MCHR2: variants seen among roughly 807,000 people sequenced by gnomAD.
MCHR2 encodes the protein melanin-concentrating hormone receptor 2.
MCHR2 carries 15 observed loss-of-function variants against 24.8 expected under a neutral mutation model. The ratio of observed to expected loss-of-function variants is 0.60; its 90% CI spans 0.40 to 0.93. The LOEUF (loss-of-function observed/expected upper bound fraction) is 0.93, where lower values mean the gene tolerates loss of function less well. MCHR2 is among the 40% of genes least tolerant of loss of function. The pLI, the probability that MCHR2 is intolerant of heterozygous loss-of-function variation, is 0.00. For missense variants in MCHR2, 386 were observed against 408.7 expected, an observed-to-expected ratio of 0.94 and a Z score of 0.48; for synonymous variants, 151 against 147.6, an observed-to-expected ratio of 1.02 and a Z score of -0.17.
At position 99,934,241 on chromosome 6, in the gene MCHR2, ATG is replaced by A. The variant is rs1184635824; in HGVS notation, c.707+155_707+156del. 2.0e-5 allele frequency among the ~76,000 whole-genome samples: 3 copies of A among 152,174 alleles called. No individual in the cohort carries two copies. The East Asian group carries it at 5.8e-4, about 29-fold the overall frequency. ...GATTCTTAAGCAGTTTATTTAGCAC[ATG>A]TCTTATTTTCCAAAAATTTTTTCTA... On this transcript the variant is annotated intron_variant, in intron 5 of 5. Transcript: ENST00000281806.
chr6:99,922,439 G>A (rs564768974), intron 5 of MCHR2, among the ~76,000 whole-genome samples: 5 of 152,134 alleles, frequency 3.3e-5, no homozygotes, highest in Non-Finnish European at 7.4e-5. Context: ...GGTTGCCCGT[G>A]CCTGTGGAGT....
chr6:99,973,028 A>T (rs140244982), intron 1 of MCHR2, among the ~76,000 whole-genome samples: 1 of 152,062 alleles, frequency 6.6e-6, no homozygotes, highest in Admixed American at 6.6e-5. Flanking sequence ...CTGAAAAAAA[A>T]TGTATATTCT....
At chr6:99,924,813 C>T (rs1006414434) in intron 5 of MCHR2, among the ~76,000 whole-genome samples, 1 of 151,982 alleles carries the variant, frequency 6.6e-6, no homozygotes, top group Non-Finnish European at 1.5e-5. Flanking sequence ...TGTTTTGTGA[C>T]CTAACATATG....
chr6:99,960,439 T>C lies in MCHR2; in HGVS notation c.-27-4265A>G, dbSNP rs1209092001. On this transcript the variant is annotated intron_variant, in intron 1 of 5. Coordinates refer to ENST00000281806, the MANE Select transcript of MCHR2 (RefSeq NM_001040179.2). ...ATTTATAGATTCAATGCCATCCCCA[T>C]CAAGCTACCAATGACTTTCTTCACA... 2.0e-5 allele frequency among the ~76,000 whole-genome samples: 3 copies of C among 152,094 alleles called. No individual in the cohort carries two copies. In the East Asian group the frequency reaches 5.8e-4, roughly 29 times the overall value.
At chr6:99,922,325 T>A (rs1774255636) in intron 5 of MCHR2, among the ~76,000 whole-genome samples, 1 of 152,144 alleles carries the variant, frequency 6.6e-6, no homozygotes, top group South Asian at 2.1e-4. Context: ...GCCAGGATGG[T>A]CTTGATCTCC....
At position 99,942,099 on chromosome 6, in the gene MCHR2, T is replaced by G. The variant is rs185852126; in HGVS notation, c.587+850A>C. ...TTTCAAATTGAAGACTTTTAATTTC[T>G]TTTTAAATTAAAATGTATAAAACGG... On this transcript the variant is annotated intron_variant, in intron 4 of 5. Transcript: ENST00000281806. Among the ~76,000 whole-genome samples, 13 of 152,340 alleles carry G rather than the reference T, an allele frequency of 8.5e-5. 1 individual carries two copies. Among genetic ancestry groups the G allele is most frequent in the African/African-American group, 2.6e-4 (11 of 41,580 alleles).
At chr6:99,965,002 A>G (rs1417591397) in intron 1 of MCHR2, among the ~76,000 whole-genome samples, 3 of 152,180 alleles carry the variant, frequency 2.0e-5, no homozygotes, top group East Asian at 3.8e-4. Flanking sequence ...CAAAGAAGTG[A>G]TAACTGCAAA....
chr6:99,930,599 C>A (rs560488261), intron 5 of MCHR2, among the ~76,000 whole-genome samples: 1 of 152,276 alleles, frequency 6.6e-6, no homozygotes, highest in East Asian at 1.9e-4. Flanking sequence ...CATCTTCTGT[C>A]ACTGATACCC....
At chr6:99,978,837 G>A (rs932472731) in intron 1 of MCHR2, among the ~76,000 whole-genome samples, 2 of 152,198 alleles carry the variant, frequency 1.3e-5, no homozygotes, top group African/African-American at 4.8e-5. Context: ...CACAGTTTGT[G>A]CTGCAGTCAG....
intron 1 of MCHR2, among the ~76,000 whole-genome samples, chr6:99,974,151 G>A (rs1036562019): frequency 3.3e-5 from 5 of 152,236 alleles, no homozygotes; most frequent in African/African-American, 1.2e-4. Context: ...ATCCTGCAGA[G>A]TGTTTTCCAG....
intron 1 of MCHR2, among the ~76,000 whole-genome samples, chr6:99,963,764 C>A (rs1464240319): frequency 1.3e-5 from 2 of 151,896 alleles, no homozygotes; most frequent in Non-Finnish European, 2.9e-5. Context: ...ATATTCCATT[C>A]AATGTCCTAT....
intron 1 of MCHR2, among the ~76,000 whole-genome samples, chr6:99,982,054 T>C (rs1027598742): frequency 6.6e-6 from 1 of 152,144 alleles, no homozygotes; most frequent in Non-Finnish European, 1.5e-5. Context: ...CTCTAGATAC[T>C]GATTTCACAT....
intron 1 of MCHR2, among the ~76,000 whole-genome samples, chr6:99,965,959 G>C (rs556763154): frequency 6.6e-6 from 1 of 152,130 alleles, no homozygotes; most frequent in South Asian, 2.1e-4. Flanking sequence ...ATTTGGCTAC[G>C]TATTAATTTC....
At position 99,932,353 on chromosome 6, in the gene MCHR2, A is replaced by G. The variant is rs568727796; in HGVS notation, c.707+2045T>C. 1.6e-3 allele frequency among the ~76,000 whole-genome samples: 241 copies of G among 152,274 alleles called. 1 individual carries two copies. The highest frequency in any genetic ancestry group is 2.9e-3 in the Non-Finnish European group (199 of 67,998). On this transcript the variant is annotated intron_variant, in intron 5 of 5. Transcript: ENST00000281806. ...AGAGCCAGACCTTTTTTACAGAAGC[A>G]TTCTAAATAATATAGGGATTGTTAC...
At chr6:99,948,151 T>C (rs1774908692) in intron 2 of MCHR2, among the ~76,000 whole-genome samples, 180 bp from the exon 3 acceptor site, 1 of 152,182 alleles carries the variant, frequency 6.6e-6, no homozygotes, top group South Asian at 2.1e-4. Context: ...AACTATTTAT[T>C]TGATAACTTA....
chr6:99,976,996 A>C (rs1277086190), intron 1 of MCHR2, among the ~76,000 whole-genome samples: 2 of 152,060 alleles, frequency 1.3e-5, no homozygotes, highest in Non-Finnish European at 2.9e-5. Context: ...TATTTACCTG[A>C]CCTGCTGATT....
At chr6:99,968,890 G>A (rs1010889438) in intron 1 of MCHR2, among the ~76,000 whole-genome samples, 1 of 151,894 alleles carries the variant, frequency 6.6e-6, no homozygotes, top group Non-Finnish European at 1.5e-5. Context: ...GGCCAGATAA[G>A]TCTGAAGGGA....
chr6:99,956,933 T>C (rs1411408231), intron 1 of MCHR2, among the ~76,000 whole-genome samples: 1 of 151,282 alleles, frequency 6.6e-6, no homozygotes. Context: ...AAATAAAATA[T>C]GCTGGACAAA....
chr6:99,971,804 A>C (rs998541447), intron 1 of MCHR2, among the ~76,000 whole-genome samples: 1 of 152,180 alleles, frequency 6.6e-6, no homozygotes, highest in Non-Finnish European at 1.5e-5. Context: ...CCTTTTCTGC[A>C]TCTATTGAGA....
Sources: allele counts gnomAD v4.1 joint callset (sites outside exome capture counted in the v4.1 genomes callset), GRCh38; gene constraint gnomAD v4.1.1; transcripts MANE v1.5; gene names NCBI Gene and HGNC (gene_info 2026-07-23, HGNC 2026-07-21).